Variants in ITGAX observed in about 807,000 individuals in gnomAD.
ITGAX encodes the protein integrin alpha-X.
ITGAX carries 99 observed loss-of-function variants against 140.2 expected under a neutral mutation model. The observed-to-expected ratio is 0.71, with a 90% CI of 0.60 to 0.83. The LOEUF (loss-of-function observed/expected upper bound fraction) is 0.83, where lower values mean the gene tolerates loss of function less well. ITGAX is among the 40% of genes least tolerant of loss of function. ITGAX has a pLI of 0.00. For missense variants in ITGAX, 1,444 were observed against 1,482.0 expected, an observed-to-expected ratio of 0.97 and a Z score of 0.42; for synonymous variants, 631 against 600.4, an observed-to-expected ratio of 1.05 and a Z score of -0.75.
chr16:31,379,209 TG>T (rs1232889262), intron 23 of ITGAX, among the ~76,000 whole-genome samples: 1 of 152,036 alleles, frequency 6.6e-6, no homozygotes, highest in Non-Finnish European at 1.5e-5. Context: ...CTCTGTCCCC[TG>T]GGCTCAAACA....
chr16:31,373,473 G>A lies in ITGAX; in HGVS notation c.2508+83G>A, dbSNP rs74015515. The A allele has an allele frequency of 1.8e-3, 2,634 of 1,427,880 alleles. 40 individuals are homozygous for A. The African/African-American group carries it at 0.034, about 18-fold the overall frequency. The allele number at this position is 1,427,880 out of a possible 1,614,324, so 88.5% of individuals were successfully genotyped here. A position where few individuals can be genotyped will look rare whatever the true frequency, so the allele number is the denominator to read the frequency against. ...GCGGTTCAGAACCCGGGCTGGGCTTGGAGGTGGTAGTGCCATCTGGGGCAC... is the reference window on the plus strand; with the variant it reads ...GCGGTTCAGAACCCGGGCTGGGCTTAGAGGTGGTAGTGCCATCTGGGGCAC... On this transcript the variant is annotated intron_variant, in intron 20 of 29. Coordinates refer to ENST00000268296, the MANE Select transcript of ITGAX (RefSeq NM_000887.5).
chr16:31,382,873 A>C lies in ITGAX; in HGVS notation c.*966A>C, dbSNP rs972509799. 5 of 202,454 alleles carry C rather than the reference A, an allele frequency of 2.5e-5. No homozygotes were observed. Among genetic ancestry groups the C allele is most frequent in the Non-Finnish European group, 4.9e-5 (5 of 101,178 alleles). The allele number at this position is 202,454 out of a possible 1,614,324, so 12.5% of individuals were successfully genotyped here. A position where few individuals can be genotyped will look rare whatever the true frequency, so the allele number is the denominator to read the frequency against. ...ATAGTACCTGAAAAAATGCCAAGAC[A>C]TGATTATTTTTTTAAAAAGCGTACT... On this transcript the variant is annotated 3_prime_UTR_variant, in exon 30 of 30. Coordinates refer to ENST00000268296, the MANE Select transcript of ITGAX (RefSeq NM_000887.5).
Position 31,367,345 on chromosome 16 carries a change from C to T in ITGAX, c.1711-3739C>T, listed in dbSNP as rs528472839. ...TTTTCAGTGTAGATGAGATGGCCTT[C>T]GATGGAAGAAGATGGCATCTAGGAC... On this transcript the variant is annotated intron_variant, in intron 14 of 29. Transcript: ENST00000268296. 5.3e-5 allele frequency among the ~76,000 whole-genome samples: 8 copies of T among 152,266 alleles called. No individual in the cohort carries two copies. In the East Asian group the frequency reaches 7.7e-4, roughly 15 times the overall value.
chr16:31,357,536 C>G, intron 5 of ITGAX, 172 bp downstream of exon 5: 1 of 587,762 alleles, frequency 1.7e-6, no homozygotes, highest in Non-Finnish European at 3.0e-6. Context: ...GCCGATCGCC[C>G]GCACGCTGCC....
rs374907078 is a variant in ITGAX, at chr16:31,381,653, T to C, written c.3388-150T>C. The C allele has an allele frequency of 1.8e-4, 113 of 631,016 alleles. No homozygotes were observed. In the Middle Eastern group the frequency reaches 2.1e-3, roughly 12 times the overall value. 39.1% of individuals were successfully genotyped at this position (631,016 alleles called of 1,614,324 possible). Reference sequence around the variant, plus strand: ...CAAAAAGAAAATAATTTTGGCTAAATCTAGATGACATGATGCATATAAAGT... The same window carrying C: ...CAAAAAGAAAATAATTTTGGCTAAACCTAGATGACATGATGCATATAAAGT... On this transcript the variant is annotated intron_variant, in intron 29 of 29. Transcript: ENST00000268296.
rs537714729 is a variant in ITGAX at position 31,382,717 on chromosome 16, C to T, written c.*810C>T. 1.6e-5 allele frequency: 9 copies of T among 548,860 alleles called. No homozygotes were observed. The highest frequency in any genetic ancestry group is 3.2e-5 in the Admixed American group (1 of 31,384). 34.0% of individuals were successfully genotyped at this position (548,860 alleles called of 1,614,324 possible). A position where few individuals can be genotyped will look rare whatever the true frequency, so the allele number is the denominator to read the frequency against. On this transcript the variant is annotated 3_prime_UTR_variant, in exon 30 of 30. Transcript: ENST00000268296. The stretch of plus-strand genomic sequence containing the variant: ...TGGGTTCTGCACAGCTGGCCTCCCG[C>T]GTTGGGCAACATTGCTGGCTGGAAG...
intron 28 of ITGAX, 26 bp downstream of exon 28, chr16:31,380,650 C>A: frequency 1.2e-6 from 2 of 1,613,446 alleles, no homozygotes; most frequent in South Asian, 1.1e-5. Flanking sequence ...AGGGCAGCGA[C>A]CAGGCTGGAA....
chr16:31,359,225 G>A (rs1333732816), intron 5 of ITGAX, among the ~76,000 whole-genome samples: 4 of 152,068 alleles, frequency 2.6e-5, no homozygotes, highest in Non-Finnish European at 5.9e-5. Context: ...TTGGAGTGCT[G>A]TGGTGCGATC....
In ITGAX at chr16:31,357,068, C is replaced by T; in HGVS notation, c.285C>T (p.Ser95=). 1.2e-6 allele frequency: 2 copies of T among 1,610,466 alleles called. No homozygotes were observed. Among genetic ancestry groups the T allele is most frequent in the South Asian group, 1.1e-5 (1 of 90,984 alleles). The part of the protein sequence containing the change: ...PEAVNMSLGL[S]LASTTSPSQL... ...CCGTGAACATGTCCCTGGGCCTGTCCCTGGCGTCTACCACCAGCCCTTCCC... is the reference window on the plus strand; with the variant it reads ...CCGTGAACATGTCCCTGGGCCTGTCTCTGGCGTCTACCACCAGCCCTTCCC... The change falls in exon 4 of 30, where the codon TCC becomes TCT. Residue 95 remains serine, a synonymous_variant. Coordinates refer to ENST00000268296, the MANE Select transcript of ITGAX (RefSeq NM_000887.5).
rs2080958416 is a variant in ITGAX at position 31,371,435 on chromosome 16, C to A, written c.1943C>A (p.Thr648Asn). ...ECREQVVSEQ[T>N]LVQSNICLYI... The stretch of plus-strand genomic sequence containing the variant: ...CGGGAGCAGGTGGTCTCTGAGCAGA[C>A]CCTGGTACAGTCCAACATCTGCCTT... The change falls in exon 16 of 30, where the codon ACC becomes AAC. Residue 648 changes from threonine (T) to asparagine (N), a missense_variant. Coordinates refer to ENST00000268296, the MANE Select transcript of ITGAX (RefSeq NM_000887.5). 2 of 1,614,174 alleles carry A rather than the reference C, an allele frequency of 1.2e-6. No homozygotes were observed. Among genetic ancestry groups the A allele is most frequent in the African/African-American group, 2.7e-5 (2 of 75,036 alleles).
intron 17 of ITGAX, among the ~76,000 whole-genome samples, chr16:31,372,003 G>T (rs1341882024): frequency 6.6e-6 from 1 of 152,186 alleles, no homozygotes; most frequent in African/African-American, 2.4e-5. Flanking sequence ...TGGATTTCAG[G>T]AAAGAGAATT....
intron 5 of ITGAX, 191 bp downstream of exon 5, chr16:31,357,555 C>T: frequency 1.7e-6 from 1 of 575,632 alleles, no homozygotes; most frequent in South Asian, 2.2e-5. Context: ...CCGGACCTTT[C>T]CTGTGACCTT....
intron 15 of ITGAX, 29 bp downstream of exon 15, chr16:31,371,243 C>T (rs758962164): frequency 1.9e-6 from 3 of 1,603,424 alleles, no homozygotes; most frequent in Non-Finnish European, 2.6e-6. Context: ...AGAGGCTCCC[C>T]AGGTGGTCCT....
rs780063353 is a variant in ITGAX at position 31,357,401 on chromosome 16, C to T, written c.430+37C>T. Reference sequence around the variant, plus strand: ...GACCACCAAGGCTTTGAGGAGCTCACGCACATCCAATTGGGGGTGCGGTGG... The same window carrying T: ...GACCACCAAGGCTTTGAGGAGCTCATGCACATCCAATTGGGGGTGCGGTGG... On this transcript the variant is annotated intron_variant, in intron 5 of 29. Coordinates refer to ENST00000268296, the MANE Select transcript of ITGAX (RefSeq NM_000887.5). 14 of 1,377,180 alleles carry T rather than the reference C, an allele frequency of 1.0e-5. No homozygotes were observed. The Admixed American group carries it at 1.4e-4, about 13-fold the overall frequency. 85.3% of individuals were successfully genotyped at this position (1,377,180 alleles called of 1,614,324 possible).
At chr16:31,380,696 G>T (rs556411549) in intron 28 of ITGAX, 72 bp downstream of exon 28, 43 of 1,579,896 alleles carry the variant, frequency 2.7e-5, no homozygotes, top group East Asian at 2.2e-4. Flanking sequence ...GGTGCTGGGT[G>T]GGGGGTTTGC....
In ITGAX at chr16:31,380,959, C is replaced by T; in HGVS notation, c.3339C>T (p.Ser1113=). 1 of 1,614,164 alleles carries T rather than the reference C, an allele frequency of 6.2e-7. No homozygotes were observed. The highest frequency in any genetic ancestry group is 8.5e-7 in the Non-Finnish European group (1 of 1,180,028). ...HNPTPLIVGS[S]IGGLLLLALI... is the part of the protein sequence containing the mutation. ...CCACCCCCCTCATCGTAGGCAGCTC[C>T]ATTGGGGGTCTGTTGCTGCTGGCAC... The change falls in exon 29 of 30, where the codon TCC becomes TCT. Residue 1113 remains serine, a synonymous_variant. Coordinates refer to ENST00000268296, the MANE Select transcript of ITGAX (RefSeq NM_000887.5).
rs2081074881 is a variant in ITGAX at position 31,382,199 on chromosome 16, A to G, written c.*292A>G. The G allele has an allele frequency of 1.4e-6, 2 of 1,381,478 alleles. No individual in the cohort carries two copies. The highest frequency in any genetic ancestry group is 1.5e-5 in the African/African-American group (1 of 67,332). The allele number at this position is 1,381,478 out of a possible 1,614,324, so 85.6% of individuals were successfully genotyped here. A position where few individuals can be genotyped will look rare whatever the true frequency, so the allele number is the denominator to read the frequency against. On this transcript the variant is annotated 3_prime_UTR_variant, in exon 30 of 30. Coordinates refer to ENST00000268296, the MANE Select transcript of ITGAX (RefSeq NM_000887.5). ...CCCAGGCCTCAGTCTCCCTTCTCCC[A>G]TGAGGCACGAATGATCTTTCTTTCC...
chr16:31,373,329 G>A lies in ITGAX; in HGVS notation c.2447G>A (p.Gly816Glu). 1 of 1,613,702 alleles carries A rather than the reference G, an allele frequency of 6.2e-7. No individual in the cohort carries two copies. ...MVWNDGEDSY[G>E]TTITFSHPAG... ...TGGAATGACGGGGAAGACTCCTACG[G>A]AACCACCATCACCTTCTCCCACCCC... The change falls in exon 20 of 30, where the codon GGA becomes GAA. Residue 816 changes from glycine to glutamate, a missense_variant. Coordinates refer to ENST00000268296, the MANE Select transcript of ITGAX (RefSeq NM_000887.5).
At chr16:31,359,399 C>T (rs1392797876) in intron 5 of ITGAX, among the ~76,000 whole-genome samples, 2 of 151,926 alleles carry the variant, frequency 1.3e-5, no homozygotes, top group Admixed American at 6.6e-5. Flanking sequence ...CTCCTGACCT[C>T]GTGATCCGCC....
Sources: gnomAD v4.1 joint callset for allele counts (sites outside exome capture counted in the v4.1 genomes callset) on GRCh38, gnomAD v4.1.1 for gene constraint, MANE v1.5 for transcripts, NCBI Gene and HGNC (gene_info 2026-07-23, HGNC 2026-07-21) for gene names.